The following ZNF423 variants were observed in gnomAD, a reference collection of about 807,000 sequenced individuals.
ZNF423 encodes the protein zinc finger protein 423.
In ZNF423, 12 loss-of-function variants were observed where a neutral mutation model predicts 95.8. The ratio of observed to expected loss-of-function variants is 0.13; its 90% CI spans 0.08 to 0.20. The LOEUF is 0.20. Ranked by LOEUF, ZNF423 falls within the 10% of genes least tolerant of loss-of-function variation. ZNF423 has a pLI of 1.00. For missense variants in ZNF423, 1,316 were observed against 1,737.1 expected, an observed-to-expected ratio of 0.76 and a Z score of 4.31; for synonymous variants, 749 against 711.9, an observed-to-expected ratio of 1.05 and a Z score of -0.83.
chr16:49,788,992 C>T (rs189793847), intron 2 of ZNF423, among the ~76,000 whole-genome samples: 16 of 152,348 alleles, frequency 1.1e-4, no homozygotes, highest in African/African-American at 3.4e-4. Flanking sequence ...CTGACTGTCA[C>T]GTCACCCCCG....
At chr16:49,607,056 T>A (rs541483421) in intron 5 of ZNF423, among the ~76,000 whole-genome samples, 1 of 146,960 alleles carries the variant, frequency 6.8e-6, no homozygotes, top group South Asian at 2.2e-4. Flanking sequence ...TGGTGAAACG[T>A]TAAATGTTTT....
chr16:49,677,768 AAGAG>A (rs371974425), intron 3 of ZNF423, among the ~76,000 whole-genome samples: 18,289 of 146,978 alleles, frequency 0.12, 1,273 homozygotes, highest in South Asian at 0.28. Flanking sequence ...AAAAAAAAAA[AAGAG>A]AGAGAGAGAG....
At chr16:49,691,342 G>A (rs907988090) in intron 3 of ZNF423, among the ~76,000 whole-genome samples, 84 of 152,328 alleles carry the variant, frequency 5.5e-4, no homozygotes, top group Admixed American at 1.7e-3. Context: ...TGATCAGACC[G>A]GCATGGGTTT....
chr16:49,532,542 C>T lies in ZNF423; in HGVS notation c.3602-7048G>A, dbSNP rs142508696. 7.7e-3 allele frequency among the ~76,000 whole-genome samples: 1,168 copies of T among 152,294 alleles called. 50 individuals are homozygous for T. Among genetic ancestry groups the T allele is most frequent in the Admixed American group, 0.068 (1,043 of 15,292 alleles). ...CTAAATGAGCTCTGGCAGCCTGAAC[C>T]GGGCCCCACGGGGGACCCAGAGCCT... On this transcript the variant is annotated intron_variant, in intron 5 of 7. Coordinates refer to ENST00000563137, the MANE Select transcript of ZNF423 (RefSeq NM_001379286.1).
At chr16:49,501,763 G>T (rs930868963) in intron 7 of ZNF423, among the ~76,000 whole-genome samples, 1 of 152,054 alleles carries the variant, frequency 6.6e-6, no homozygotes, top group Non-Finnish European at 1.5e-5. Flanking sequence ...TATCCTAAGT[G>T]AACTAATGCA....
intron 3 of ZNF423, among the ~76,000 whole-genome samples, chr16:49,647,505 A>T (rs1973224373): frequency 6.6e-6 from 1 of 152,262 alleles, no homozygotes; most frequent in Non-Finnish European, 1.5e-5. Flanking sequence ...ATCCTGGATT[A>T]TCCACATGGG....
chr16:49,610,734 G>A (rs952035069), intron 5 of ZNF423, among the ~76,000 whole-genome samples: 5 of 151,918 alleles, frequency 3.3e-5, no homozygotes, highest in African/African-American at 7.2e-5. Context: ...TTGGCAGACT[G>A]GAAGGAAAAT....
At chr16:49,789,433 TG>T in intron 2 of ZNF423, 53 bp downstream of exon 2, 1 of 1,566,628 alleles carries the variant, frequency 6.4e-7, no homozygotes, top group South Asian at 1.2e-5. Context: ...TCTGAGTTCC[TG>T]GGCCAGCCCC....
chr16:49,753,255 A>G (rs1392546092), intron 2 of ZNF423, among the ~76,000 whole-genome samples: 1 of 151,902 alleles, frequency 6.6e-6, no homozygotes, highest in African/African-American at 2.4e-5. Flanking sequence ...AAGCAAAATA[A>G]TAATAATCAG....
chr16:49,540,814 G>A (rs1969222779), intron 5 of ZNF423, among the ~76,000 whole-genome samples: 1 of 152,036 alleles, frequency 6.6e-6, no homozygotes, highest in Non-Finnish European at 1.5e-5. Context: ...GCCCTATCCT[G>A]GCCTCCATGT....
At chr16:49,749,262 C>CG (rs1380158837) in intron 2 of ZNF423, among the ~76,000 whole-genome samples, 1 of 152,128 alleles carries the variant, frequency 6.6e-6, no homozygotes, top group African/African-American at 2.4e-5. Context: ...ACGCCCATGC[C>CG]GGGGAATCTG....
At chr16:49,572,003 C>T (rs193097851) in intron 5 of ZNF423, among the ~76,000 whole-genome samples, 3 of 152,262 alleles carry the variant, frequency 2.0e-5, no homozygotes, top group East Asian at 1.9e-4. Context: ...TGCCAAGCAC[C>T]GTGTGTACTA....
intron 1 of ZNF423, among the ~76,000 whole-genome samples, chr16:49,802,363 A>T (rs570648682): frequency 5.0e-4 from 76 of 152,256 alleles, no homozygotes; most frequent in African/African-American, 1.8e-3. Flanking sequence ...CTCCCTAAGC[A>T]CTCAAGGTCC....
intron 3 of ZNF423, among the ~76,000 whole-genome samples, chr16:49,684,473 G>C (rs2031486873): frequency 6.6e-6 from 1 of 152,160 alleles, no homozygotes; most frequent in Admixed American, 6.5e-5. Flanking sequence ...GAGGGAAATG[G>C]GTCTATGGTG....
chr16:49,855,504 TACCCCCTCC>T lies in ZNF423; in HGVS notation c.40+222_40+230del, dbSNP rs1208954536. Reference sequence around the variant, plus strand: ...CCGGGCAGGGAGGGTGTCCGCGGCGTACCCCCTCCGCCGCCGCCGCCGCCGCCGCCGCCT... The same window carrying T: ...CCGGGCAGGGAGGGTGTCCGCGGCGTGCCGCCGCCGCCGCCGCCGCCGCCT... On this transcript the variant is annotated intron_variant, in intron 1 of 7. Transcript: ENST00000563137. This position sits in a 1 kb window ranked among gnomAD's most constrained non-coding sequence, Gnocchi z 4.7. 1.6e-5 allele frequency among the ~76,000 whole-genome samples: 2 copies of T among 124,874 alleles called. No homozygotes were observed. The highest frequency in any genetic ancestry group is 5.8e-4 in the East Asian group (2 of 3,438). The allele number at this position is 124,874 out of a possible 152,430, so 81.9% of individuals were successfully genotyped here.
chr16:49,815,897 T>C (rs1429273594), intron 1 of ZNF423, among the ~76,000 whole-genome samples: 1 of 47,076 alleles, frequency 2.1e-5, no homozygotes, highest in African/African-American at 9.8e-5. Flanking sequence ...TATATATATA[T>C]ATATATATAT....
At chr16:49,811,927 C>T (rs1185723338) in intron 1 of ZNF423, among the ~76,000 whole-genome samples, 1 of 152,230 alleles carries the variant, frequency 6.6e-6, no homozygotes, top group African/African-American at 2.4e-5. Context: ...GCCATTTGCT[C>T]ATCTGGGATG....
intron 2 of ZNF423, among the ~76,000 whole-genome samples, chr16:49,744,232 A>G (rs2033474283): frequency 6.6e-6 from 1 of 152,246 alleles, no homozygotes; most frequent in South Asian, 2.1e-4. Context: ...GGATTCTGGA[A>G]GCAAGGCACA....
intron 1 of ZNF423, among the ~76,000 whole-genome samples, chr16:49,827,645 A>G (rs1165399172): frequency 6.6e-6 from 1 of 152,102 alleles, no homozygotes; most frequent in Non-Finnish European, 1.5e-5. Flanking sequence ...CCTCTCGAGT[A>G]GCTGGGACTA....
Sources: allele counts gnomAD v4.1 joint callset (sites outside exome capture counted in the v4.1 genomes callset), GRCh38; gene constraint gnomAD v4.1.1; non-coding constraint Gnocchi (gnomAD v3.1); transcripts MANE v1.5; gene names NCBI Gene and HGNC (gene_info 2026-07-23, HGNC 2026-07-21).